NFIB: variants seen among roughly 807,000 people sequenced by gnomAD.
NFIB encodes the protein nuclear factor 1 B-type.
A neutral mutation model predicts 61.5 loss-of-function variants in NFIB; 11 were observed. The ratio of observed to expected loss-of-function variants is 0.18; its 90% CI spans 0.11 to 0.30. The LOEUF is 0.30. Ranked by LOEUF, NFIB falls within the 10% of genes least tolerant of loss-of-function variation. NFIB has a pLI of 1.00. For synonymous variants in NFIB, 260 were observed against 216.5 expected (o/e 1.20, Z -1.76); for missense variants, 471 against 608.9 (o/e 0.77, Z 2.38).
the NFIB span, among the ~76,000 whole-genome samples, chr9:14,468,414 A>C: frequency 6.6e-6 from 1 of 152,234 alleles, no homozygotes; most frequent in African/African-American, 2.4e-5. Context: ...CATTTAGCGT[A>C]ACATAAACAC....
At chr9:14,258,518 C>T (rs2056443724) in intron 2 of NFIB, among the ~76,000 whole-genome samples, 1 of 152,240 alleles carries the variant, frequency 6.6e-6, no homozygotes, top group Admixed American at 6.5e-5. Flanking sequence ...TGATGTTGCA[C>T]TACTACATTC....
chr9:14,396,950 C>T (rs954677025), intron 1 of NFIB, among the ~76,000 whole-genome samples: 8 of 152,082 alleles, frequency 5.3e-5, no homozygotes, highest in Admixed American at 3.9e-4. Context: ...TTATAGCCTG[C>T]ATGTCATGAC....
chr9:14,510,416 C>A, the NFIB span, among the ~76,000 whole-genome samples: 6 of 152,174 alleles, frequency 3.9e-5, no homozygotes, highest in Non-Finnish European at 7.3e-5. Flanking sequence ...TTCTTTGACA[C>A]TCTTGGCTAA....
At chr9:14,118,772 T>G (rs1265205689) in intron 8 of NFIB, among the ~76,000 whole-genome samples, 3 of 149,776 alleles carry the variant, frequency 2.0e-5, no homozygotes, top group African/African-American at 4.9e-5. Flanking sequence ...CTTTTTCTTT[T>G]TTTTTTTTTT....
At chr9:14,500,896 T>C in the NFIB span, among the ~76,000 whole-genome samples, 12 of 152,188 alleles carry the variant, frequency 7.9e-5, no homozygotes, top group African/African-American at 2.9e-4. Flanking sequence ...GCTATGTCTC[T>C]GAAATGTCAG....
the NFIB span, among the ~76,000 whole-genome samples, chr9:14,478,061 A>G: frequency 4.6e-5 from 7 of 152,150 alleles, no homozygotes; most frequent in African/African-American, 1.7e-4. Flanking sequence ...AAGGCTCCCT[A>G]TTCTCTGGCT....
chr9:14,378,351 C>G (rs544215265), intron 1 of NFIB, among the ~76,000 whole-genome samples: 14 of 152,082 alleles, frequency 9.2e-5, no homozygotes, highest in African/African-American at 3.4e-4. Flanking sequence ...TTATTCTTTT[C>G]TTTCTTTCGT....
intron 1 of NFIB, among the ~76,000 whole-genome samples, chr9:14,328,497 T>A (rs1282719339): frequency 2.6e-5 from 4 of 152,008 alleles, no homozygotes; most frequent in Non-Finnish European, 5.9e-5. Context: ...ATCTTTAATT[T>A]TTTTTGGTTA....
chr9:14,530,777 T>C, the NFIB span, among the ~76,000 whole-genome samples: 2 of 151,940 alleles, frequency 1.3e-5, no homozygotes, highest in African/African-American at 4.8e-5. Context: ...CCTCCCCACC[T>C]AGAATAAAGT....
At chr9:14,464,262 T>G in the NFIB span, among the ~76,000 whole-genome samples, 1 of 152,300 alleles carries the variant, frequency 6.6e-6, no homozygotes, top group East Asian at 1.9e-4. Flanking sequence ...TCCTCTGAAA[T>G]GAGCTGGGTA....
chr9:14,142,119 A>C (rs979850614), intron 6 of NFIB, among the ~76,000 whole-genome samples: 1 of 152,254 alleles, frequency 6.6e-6, no homozygotes, highest in African/African-American at 2.4e-5. Flanking sequence ...TTGTCTGTTA[A>C]ATTACTGAGT....
At chr9:14,449,972 T>C in the NFIB span, among the ~76,000 whole-genome samples, 1 of 151,920 alleles carries the variant, frequency 6.6e-6, no homozygotes, top group African/African-American at 2.4e-5. Context: ...AAATTTTTTT[T>C]AAAAAAAATT....
chr9:14,111,890 T>C (rs373695450), intron 10 of NFIB, among the ~76,000 whole-genome samples: 1 of 152,184 alleles, frequency 6.6e-6, no homozygotes, highest in East Asian at 1.9e-4. Flanking sequence ...CTGCATGTGG[T>C]GACCTCTAAT....
chr9:14,253,539 A>C (rs890871414), intron 2 of NFIB, among the ~76,000 whole-genome samples: 4 of 152,160 alleles, frequency 2.6e-5, no homozygotes, highest in African/African-American at 9.7e-5. Context: ...TGCACAAATA[A>C]AATGTTTTAG....
At chr9:14,334,503 A>G (rs946788353) in intron 1 of NFIB, among the ~76,000 whole-genome samples, 3 of 151,764 alleles carry the variant, frequency 2.0e-5, no homozygotes, top group Non-Finnish European at 4.4e-5. Context: ...CTGTTCAAAT[A>G]TTTTTCCCGT....
chr9:14,263,722 T>A (rs2056978334), intron 2 of NFIB, among the ~76,000 whole-genome samples: 1 of 152,172 alleles, frequency 6.6e-6, no homozygotes, highest in Non-Finnish European at 1.5e-5. Flanking sequence ...CATTATCAAA[T>A]TCAGAATTGG....
intron 5 of NFIB, among the ~76,000 whole-genome samples, chr9:14,147,888 C>T (rs577531488): frequency 6.6e-6 from 1 of 152,072 alleles, no homozygotes; most frequent in East Asian, 1.9e-4. Context: ...GCGATCCTCC[C>T]ACTTCAGCCT....
At chr9:14,141,174 T>A (rs1470349363) in intron 6 of NFIB, among the ~76,000 whole-genome samples, 1 of 152,164 alleles carries the variant, frequency 6.6e-6, no homozygotes. Context: ...GAGAATATTT[T>A]CAAAATTATC....
At chr9:14,333,089 G>C (rs1456701335) in intron 1 of NFIB, among the ~76,000 whole-genome samples, 1 of 152,184 alleles carries the variant, frequency 6.6e-6, no homozygotes, top group African/African-American at 2.4e-5. Flanking sequence ...AGCTGATCTG[G>C]AACCACCTTG....
Sources: allele counts gnomAD v4.1 joint callset (sites outside exome capture counted in the v4.1 genomes callset), GRCh38; gene constraint gnomAD v4.1.1; transcripts MANE v1.5; gene names NCBI Gene and HGNC (gene_info 2026-07-23, HGNC 2026-07-21).